The following ATL1 variants were observed in gnomAD, a reference collection of about 807,000 sequenced individuals.
The protein encoded by ATL1 is atlastin GTPase 1.
In ATL1, 31 loss-of-function variants were observed where a neutral mutation model predicts 75.5. The ratio of observed to expected loss-of-function variants is 0.41; its 90% CI spans 0.31 to 0.55. The LOEUF (loss-of-function observed/expected upper bound fraction) is 0.55, where lower values mean the gene tolerates loss of function less well. Ranked by LOEUF, ATL1 falls within the 20% of genes least tolerant of loss-of-function variation. ATL1 has a pLI of 0.27. For missense variants in ATL1, 405 were observed against 662.6 expected (o/e 0.61, Z 4.27); for synonymous variants, 226 against 233.3 (o/e 0.97, Z 0.28).
chr14:50,608,614 A>G (rs2039336110), intron 6 of ATL1, among the ~76,000 whole-genome samples: 1 of 151,954 alleles, frequency 6.6e-6, no homozygotes, highest in Non-Finnish European at 1.5e-5. Context: ...GAAACTTTAT[A>G]TTTGCTTCTA....
intron 1 of ATL1, among the ~76,000 whole-genome samples, chr14:50,563,351 G>T (rs1000194563): frequency 6.6e-6 from 1 of 152,144 alleles, no homozygotes; most frequent in Non-Finnish European, 1.5e-5. Flanking sequence ...TTCATGGAGA[G>T]AATGGGGTGG....
intron 1 of ATL1, among the ~76,000 whole-genome samples, chr14:50,575,215 A>G (rs1202521652): frequency 6.6e-6 from 1 of 151,692 alleles, no homozygotes; most frequent in Non-Finnish European, 1.5e-5. Context: ...GTTCTTCTAG[A>G]GAGATCCATT....
intron 1 of ATL1, among the ~76,000 whole-genome samples, chr14:50,553,449 A>T (rs2038727771): frequency 6.6e-6 from 1 of 152,050 alleles, no homozygotes. Flanking sequence ...AATTAAAAAA[A>T]AATAGATGTT....
At chr14:50,589,831 G>T (rs2039139370) in intron 2 of ATL1, among the ~76,000 whole-genome samples, 2 of 152,164 alleles carry the variant, frequency 1.3e-5, no homozygotes, top group African/African-American at 4.8e-5. Context: ...AGTTTATGTA[G>T]ATTTTTTATC....
At chr14:50,577,485 G>A (rs187913097) in intron 1 of ATL1, among the ~76,000 whole-genome samples, 1 of 152,222 alleles carries the variant, frequency 6.6e-6, no homozygotes, top group African/African-American at 2.4e-5. Context: ...TTTTTTAACA[G>A]CTTTATTGAA....
At chr14:50,577,918 G>C (rs2039021470) in intron 1 of ATL1, among the ~76,000 whole-genome samples, 1 of 152,072 alleles carries the variant, frequency 6.6e-6, no homozygotes, top group Admixed American at 6.6e-5. Context: ...TAGCCATTTA[G>C]AGTGTAGCTT....
chr14:50,587,612 G>A (rs961600844), intron 1 of ATL1, among the ~76,000 whole-genome samples: 1 of 151,188 alleles, frequency 6.6e-6, no homozygotes, highest in African/African-American at 2.4e-5. Flanking sequence ...ATCTCACTAT[G>A]TTGCCCAGGG....
intron 12 of ATL1, 30 bp from the exon 13 acceptor site, chr14:50,629,965 T>A (rs2039563837): frequency 6.4e-7 from 1 of 1,560,292 alleles, no homozygotes; most frequent in South Asian, 1.2e-5. Context: ...TATACTTTTC[T>A]TTTTTCTTTT....
chr14:50,592,916 A>C lies in ATL1; in HGVS notation c.523-930A>C, dbSNP rs60684845. Among the ~76,000 whole-genome samples the C allele has an allele frequency of 7.5e-3, 715 of 95,086 alleles. 3 individuals carry two copies. Among genetic ancestry groups the C allele is most frequent in the African/African-American group, 0.034 (672 of 19,916 alleles). The allele number at this position is 95,086 out of a possible 152,430, so 62.4% of individuals were successfully genotyped here. ...TGACAGGGCGAGACTCCCGTCTCAA[A>C]AAAAAAAAAAAAAATATATATATAT... On this transcript the variant is annotated intron_variant, in intron 4 of 13. Coordinates refer to ENST00000358385, the MANE Select transcript of ATL1 (RefSeq NM_015915.5).
At position 50,560,171 on chromosome 14, in the gene ATL1, C is replaced by T. The variant is rs2038817797; in HGVS notation, c.-95C>T. 1.4e-6 allele frequency: 2 copies of T among 1,470,696 alleles called. No homozygotes were observed. Among genetic ancestry groups the T allele is most frequent in the Admixed American group, 1.8e-5 (1 of 54,706 alleles). The allele number at this position is 1,470,696 out of a possible 1,614,324, so 91.1% of individuals were successfully genotyped here. A position where few individuals can be genotyped will look rare whatever the true frequency, so the allele number is the denominator to read the frequency against. On this transcript the variant is annotated 5_prime_UTR_variant, in exon 1 of 14. Transcript: ENST00000358385. ...GAGTCTGAGCGAACTGCGCCCAGCG[C>T]GGGCACGGAGCCTCCCACCGCCAGC...
intron 1 of ATL1, among the ~76,000 whole-genome samples, chr14:50,554,993 G>C (rs2038747662): frequency 6.6e-6 from 1 of 152,140 alleles, no homozygotes. Context: ...TCTTCGTTTA[G>C]TATTAGACCC....
intron 6 of ATL1, among the ~76,000 whole-genome samples, 197 bp downstream of exon 6, chr14:50,595,829 A>G (rs1259160289): frequency 6.6e-6 from 1 of 152,186 alleles, no homozygotes; most frequent in Non-Finnish European, 1.5e-5. Context: ...TTTTTTAAAA[A>G]AGAGATGTGG....
At chr14:50,564,796 C>T (rs1018906114) in intron 1 of ATL1, among the ~76,000 whole-genome samples, 2 of 151,406 alleles carry the variant, frequency 1.3e-5, no homozygotes, top group African/African-American at 2.4e-5. Flanking sequence ...GTTGAAAAGG[C>T]ATTTGTGGAA....
chr14:50,604,541 A>G (rs2039299517), intron 6 of ATL1, among the ~76,000 whole-genome samples: 1 of 152,140 alleles, frequency 6.6e-6, no homozygotes, highest in Non-Finnish European at 1.5e-5. Context: ...ACCTGGATTC[A>G]AGATCTGGAG....
intron 10 of ATL1, among the ~76,000 whole-genome samples, chr14:50,622,945 G>T (rs1417943965): frequency 7.2e-5 from 11 of 152,100 alleles, no homozygotes; most frequent in Admixed American, 7.2e-4. Context: ...TCTTCCAAAT[G>T]AAAATTCATT....
intron 6 of ATL1, among the ~76,000 whole-genome samples, chr14:50,612,397 G>A (rs886270499): frequency 3.9e-5 from 6 of 151,930 alleles, no homozygotes; most frequent in African/African-American, 1.5e-4. Context: ...TTCTGTATGT[G>A]GACTATATTC....
intron 1 of ATL1, among the ~76,000 whole-genome samples, chr14:50,577,668 C>T (rs1306119210): frequency 6.6e-6 from 1 of 152,164 alleles, no homozygotes; most frequent in African/African-American, 2.4e-5. Context: ...CCATACCCTT[C>T]CTACTCCCCA....
At chr14:50,612,252 G>C (rs1012045610) in intron 6 of ATL1, among the ~76,000 whole-genome samples, 1 of 152,088 alleles carries the variant, frequency 6.6e-6, no homozygotes, top group Non-Finnish European at 1.5e-5. Context: ...CCTTGAGCAA[G>C]GGGTCATGAC....
intron 1 of ATL1, among the ~76,000 whole-genome samples, chr14:50,579,733 C>G (rs1468574945): frequency 6.6e-6 from 1 of 152,094 alleles, no homozygotes; most frequent in Admixed American, 6.5e-5. Context: ...GAGCCAGCTC[C>G]TACTAGTTCA....
Sources: allele counts gnomAD v4.1 joint callset (sites outside exome capture counted in the v4.1 genomes callset), GRCh38; gene constraint gnomAD v4.1.1; transcripts MANE v1.5; gene names NCBI Gene and HGNC (gene_info 2026-07-23, HGNC 2026-07-21).